The following DHX33 variants were observed in gnomAD, a reference collection of about 807,000 sequenced individuals.
DHX33 encodes the protein ATP-dependent RNA helicase DHX33.
Under a neutral mutation model 72.5 loss-of-function variants are expected in DHX33, and 42 were observed. The observed-to-expected ratio is 0.58, with a 90% confidence interval of 0.45 to 0.75. DHX33 has a LOEUF of 0.75. Among genes scored for constraint, DHX33 ranks in the 30% least tolerant of loss-of-function variants. The pLI, the probability that DHX33 is intolerant of heterozygous loss-of-function variation, is 0.00. For synonymous variants in DHX33, 358 were observed against 366.1 expected, an observed-to-expected ratio of 0.98 and a Z score of 0.25; for missense variants, 842 against 917.5, an observed-to-expected ratio of 0.92 and a Z score of 1.06.
At chr17:5,453,059 G>A (rs1225074254) in intron 8 of DHX33, among the ~76,000 whole-genome samples, 1 of 152,238 alleles carries the variant, frequency 6.6e-6, no homozygotes, top group African/African-American at 2.4e-5. Flanking sequence ...TAATGAACAG[G>A]AGAGATGGAT....
chr17:5,447,325 C>G (rs1916694463), intron 11 of DHX33, among the ~76,000 whole-genome samples: 1 of 151,952 alleles, frequency 6.6e-6, no homozygotes, highest in Non-Finnish European at 1.5e-5. Flanking sequence ...CGAGACCAGC[C>G]TGGCCAACAT....
At chr17:5,457,689 A>T (rs1904386513) in intron 4 of DHX33, among the ~76,000 whole-genome samples, 1 of 151,884 alleles carries the variant, frequency 6.6e-6, no homozygotes, top group African/African-American at 2.4e-5. Context: ...GTATATATGT[A>T]AAAATACGTA....
At chr17:5,461,335 C>T (rs192905803) in intron 3 of DHX33, 159 of 319,934 alleles carry the variant, frequency 5.0e-4, no homozygotes, top group African/African-American at 2.8e-3. Context: ...GGAGTTTCAC[C>T]GGGCACGGTG....
At position 5,455,267 on chromosome 17, in the gene DHX33, T is replaced by C. The variant is rs1388900623; in HGVS notation, c.1040A>G (p.Tyr347Cys). 2 of 1,614,106 alleles carry C rather than the reference T, an allele frequency of 1.2e-6. No individual in the cohort carries two copies. The highest frequency in any genetic ancestry group is 1.7e-6 in the Non-Finnish European group (2 of 1,179,950). Residue 347 changes from tyrosine (Y) to cysteine (C), a missense_variant, in exon 6 of 12, where the codon TAT becomes TGT. Transcript: ENST00000225296. Reference sequence around the variant, plus strand: ...GTTGGTTGAAATGATCACTTTGCGATAGCCCTAAAAGGAGGAAGAAAACCA... The same window carrying C: ...GTTGGTTGAAATGATCACTTTGCGACAGCCCTAAAAGGAGGAAGAAAACCA... ...LRVFQGAPKG[Y>C]RKVIISTNIA...
At position 5,445,325 on chromosome 17, in the gene DHX33, C is replaced by T. The variant is rs921577988; in HGVS notation, c.1816-812G>A. Among the ~76,000 whole-genome samples the T allele has an allele frequency of 1.4e-4, 21 of 152,232 alleles. 1 individual carries two copies. The highest frequency in any genetic ancestry group is 1.2e-3 in the South Asian group (6 of 4,820). On this transcript the variant is annotated intron_variant, in intron 11 of 11. Transcript: ENST00000225296. ...AACTCCTGACCTCAAGTGATCTGCCCGCCTTGGCCTCCCAAAGTGCTGGGA... is the reference window on the plus strand; with the variant it reads ...AACTCCTGACCTCAAGTGATCTGCCTGCCTTGGCCTCCCAAAGTGCTGGGA...
intron 4 of DHX33, among the ~76,000 whole-genome samples, chr17:5,458,170 G>C (rs762425318): frequency 2.6e-5 from 4 of 152,110 alleles, no homozygotes; most frequent in Non-Finnish European, 5.9e-5. Context: ...CGGGAAAATG[G>C]TGACAAAGTG....
rs114400713 is a variant in DHX33 at position 5,467,902 on chromosome 17, T to C, written c.289+669A>G. On this transcript the variant is annotated intron_variant, in intron 1 of 11. Coordinates refer to ENST00000225296, the MANE Select transcript of DHX33 (RefSeq NM_020162.4). ...TTAACTGCCAGCCGCGTTTCGTGTT[T>C]CTTTCCTTTTTCTTTAACTCTTACA... Among the ~76,000 whole-genome samples the C allele has an allele frequency of 2.2e-3, 333 of 152,278 alleles. 1 individual carries two copies. The highest frequency in any genetic ancestry group is 7.6e-3 in the African/African-American group (314 of 41,542).
chr17:5,456,918 C>T (rs908425349), intron 4 of DHX33, among the ~76,000 whole-genome samples: 1 of 152,166 alleles, frequency 6.6e-6, no homozygotes, highest in Admixed American at 6.5e-5. Flanking sequence ...TATACTCGGA[C>T]AACTGCTTGA....
Position 5,453,944 on chromosome 17 carries a change from G to A in DHX33, c.1184C>T (p.Ser395Leu). 8.1e-6 allele frequency: 13 copies of A among 1,614,004 alleles called. No homozygotes were observed. The highest frequency in any genetic ancestry group is 1.0e-5 in the Non-Finnish European group (12 of 1,180,010). ...GLEVLAVQRV[S>L]KTQAWQRTGR... ...TGTGCGCTGCCAAGCCTGCGTCTTCGATACCCGCTGCACTGCTAACACCTC... is the reference window on the plus strand; with the variant it reads ...TGTGCGCTGCCAAGCCTGCGTCTTCAATACCCGCTGCACTGCTAACACCTC... Residue 395 changes from serine to leucine, a missense_variant, in exon 7 of 12, where the codon TCG (serine) becomes TTG (leucine). Coordinates refer to ENST00000225296, the MANE Select transcript of DHX33 (RefSeq NM_020162.4).
In DHX33 at chr17:5,468,915, A is replaced by G. The variant is rs1235696167; in HGVS notation, c.-56T>C. On this transcript the variant is annotated 5_prime_UTR_variant, in exon 1 of 12. Transcript: ENST00000225296. The stretch of plus-strand genomic sequence containing the variant: ...GCGCCGAGAGCTCCTGCCCCCTCTC[A>G]GGTGCAGACAACAGGAGCACACCGC... 6.5e-7 allele frequency: 1 copy of G among 1,541,556 alleles called. No individual in the cohort carries two copies. Among genetic ancestry groups the G allele is most frequent in the Non-Finnish European group, 8.8e-7 (1 of 1,141,896 alleles).
chr17:5,465,415 A>T (rs1904836271), intron 1 of DHX33, among the ~76,000 whole-genome samples: 1 of 152,220 alleles, frequency 6.6e-6, no homozygotes, highest in Admixed American at 6.5e-5. Flanking sequence ...TCATGCTCCT[A>T]TACCAGGGCA....
At chr17:5,465,467 G>C (rs1904841219) in intron 1 of DHX33, among the ~76,000 whole-genome samples, 1 of 152,210 alleles carries the variant, frequency 6.6e-6, no homozygotes, top group African/African-American at 2.4e-5. Flanking sequence ...CTTGGAACCA[G>C]AAGTGTTTTG....
chr17:5,460,213 A>G (rs1026082846), intron 4 of DHX33, among the ~76,000 whole-genome samples: 13 of 150,974 alleles, frequency 8.6e-5, no homozygotes, highest in Admixed American at 7.2e-4. Context: ...ACGAGGTTTC[A>G]CCATGTTAGT....
chr17:5,450,463 A>G, intron 9 of DHX33, 57 bp from the exon 10 acceptor site: 1 of 1,568,196 alleles, frequency 6.4e-7, no homozygotes, highest in South Asian at 1.1e-5. Context: ...TTTAGAATGC[A>G]CTATTTCTGT....
Position 5,468,833 on chromosome 17 carries a change from C to T in DHX33, c.27G>A (p.Pro9=), listed in dbSNP as rs746670705. 7.7e-6 allele frequency: 12 copies of T among 1,566,688 alleles called. No homozygotes were observed. The highest frequency in any genetic ancestry group is 1.0e-5 in the Non-Finnish European group (12 of 1,156,736). MPEEAGFP[P]AKRFRPGSGP... ...CAGAGCCTGGCCGGAATCTCTTGGC[C>T]GGCGGGAAGCCCGCCTCCTCCGGCA... The change falls in exon 1 of 12, where the codon CCG becomes CCA. Residue 9 remains proline, a synonymous_variant. Transcript: ENST00000225296.
chr17:5,468,660 A>G lies in DHX33; in HGVS notation c.200T>C (p.Val67Ala). 1 of 1,612,634 alleles carries G rather than the reference A, an allele frequency of 6.2e-7. No individual in the cohort carries two copies. Among genetic ancestry groups the G allele is most frequent in the African/African-American group, 1.3e-5 (1 of 75,048 alleles). Residue 67 changes from valine (V) to alanine (A), a missense_variant, in exon 1 of 12, where the codon GTG (valine) becomes GCG (alanine). Coordinates refer to ENST00000225296, the MANE Select transcript of DHX33 (RefSeq NM_020162.4). Reference sequence around the variant, plus strand: ...GGGCAGACTCCGGCGCTGCAGCTCCACAGCTTCAGGGTAGGGACTGGCCGA... The same window carrying G: ...GGGCAGACTCCGGCGCTGCAGCTCCGCAGCTTCAGGGTAGGGACTGGCCGA... ...QPSASPYPEA[V>A]ELQRRSLPIF...
In DHX33 at chr17:5,441,693, A is replaced by T. The variant is rs145052941; in HGVS notation, c.*2512T>A. ...CAGCTATGTTAAAAGTTAACTTTTT[A>T]AAAAAGCCCAATAAAAAACTAAATA... On this transcript the variant is annotated 3_prime_UTR_variant, in exon 12 of 12. Coordinates refer to ENST00000225296, the MANE Select transcript of DHX33 (RefSeq NM_020162.4). The T allele has an allele frequency of 2.2e-3, 337 of 152,262 alleles. No individual in the cohort carries two copies. The highest frequency in any genetic ancestry group is 7.5e-3 in the African/African-American group (313 of 41,538). 9.4% of individuals were successfully genotyped at this position (152,262 alleles called of 1,614,324 possible).
chr17:5,459,412 T>G (rs1407337408), intron 4 of DHX33, among the ~76,000 whole-genome samples: 1 of 152,104 alleles, frequency 6.6e-6, no homozygotes, highest in East Asian at 1.9e-4. Context: ...AACTCTAAGT[T>G]GCAACCCATT....
intron 11 of DHX33, among the ~76,000 whole-genome samples, chr17:5,448,514 A>T (rs938506627): frequency 1.3e-5 from 2 of 152,132 alleles, no homozygotes; most frequent in Middle Eastern, 6.3e-3. Context: ...ATTCATACTT[A>T]AAAAAAATCT....
Sources: allele counts gnomAD v4.1 joint callset (sites outside exome capture counted in the v4.1 genomes callset), GRCh38; gene constraint gnomAD v4.1.1; transcripts MANE v1.5; gene names NCBI Gene and HGNC (gene_info 2026-07-23, HGNC 2026-07-21).